The following CCDC126 variants were observed in gnomAD, a reference collection of about 807,000 sequenced individuals.
CCDC126 encodes coiled-coil domain-containing protein 126.
CCDC126 carries 5 observed loss-of-function variants against 11.7 expected under a neutral mutation model. That is an observed-to-expected ratio of 0.43 (90% CI 0.22 to 0.90). CCDC126 has a LOEUF of 0.90. Ranked by LOEUF, CCDC126 falls within the 40% of genes least tolerant of loss-of-function variation. CCDC126 has a pLI of 0.27. For missense variants in CCDC126, 150 were observed against 163.1 expected, an observed-to-expected ratio of 0.92 and a Z score of 0.44; for synonymous variants, 60 against 61.9, an observed-to-expected ratio of 0.97 and a Z score of 0.14.
chr7:23,622,278 A>G (rs1373496171), intron 3 of CCDC126, among the ~76,000 whole-genome samples: 1 of 152,200 alleles, frequency 6.6e-6, no homozygotes, highest in Non-Finnish European at 1.5e-5. Flanking sequence ...TGGTGTATTC[A>G]GAGATTCAGC....
intron 3 of CCDC126, among the ~76,000 whole-genome samples, chr7:23,615,643 A>C (rs1174168526): frequency 6.6e-6 from 1 of 152,220 alleles, no homozygotes; most frequent in African/African-American, 2.4e-5. Flanking sequence ...TCTTCCTTAC[A>C]CTTGAACACT....
At chr7:23,607,943 C>G (rs568767009) in intron 2 of CCDC126, among the ~76,000 whole-genome samples, 2 of 152,214 alleles carry the variant, frequency 1.3e-5, no homozygotes, top group South Asian at 4.2e-4. Context: ...TAGCCTCCGT[C>G]CAGAAGCCAG....
chr7:23,599,263 C>G (rs1782488614), intron 2 of CCDC126, among the ~76,000 whole-genome samples: 1 of 152,170 alleles, frequency 6.6e-6, no homozygotes, highest in Admixed American at 6.5e-5. Context: ...TGTCAATCCC[C>G]TCATCCAACT....
intron 2 of CCDC126, among the ~76,000 whole-genome samples, chr7:23,608,144 G>A (rs755783359): frequency 1.3e-5 from 2 of 152,216 alleles, no homozygotes; most frequent in African/African-American, 2.4e-5. Context: ...ATGATTCCAG[G>A]GTGGAGTTTT....
At chr7:23,636,137 A>T (rs968238704) in intron 3 of CCDC126, among the ~76,000 whole-genome samples, 3 of 151,952 alleles carry the variant, frequency 2.0e-5, no homozygotes, top group African/African-American at 7.3e-5. Flanking sequence ...AGGTGCCGGG[A>T]TTGCAGACGG....
intron 3 of CCDC126, chr7:23,622,517 C>T (rs1055962652): frequency 2.1e-6 from 1 of 484,952 alleles, no homozygotes; most frequent in Non-Finnish European, 4.1e-6. Flanking sequence ...GGATTTAGTG[C>T]AGTCAACGAT....
At chr7:23,599,985 A>G (rs182446881) in intron 2 of CCDC126, among the ~76,000 whole-genome samples, 3 of 152,158 alleles carry the variant, frequency 2.0e-5, no homozygotes, top group Admixed American at 6.5e-5. Flanking sequence ...GGGTTTCACC[A>G]TGTTGACCAG....
chr7:23,636,862 C>T lies in CCDC126; in HGVS notation c.239-6069C>T, dbSNP rs1214528177. 4.6e-5 allele frequency among the ~76,000 whole-genome samples: 5 copies of T among 109,014 alleles called. No individual in the cohort carries two copies. In the East Asian group the frequency reaches 1.4e-3, roughly 31 times the overall value. 71.5% of individuals were successfully genotyped at this position (109,014 alleles called of 152,430 possible). On this transcript the variant is annotated intron_variant, in intron 3 of 3. Transcript: ENST00000307471. ...CCGCCCCTACTGGAAAGTGAGGAGCCCCTCTGCCCGGCCAGTCGCCCCGTC... is the reference window on the plus strand; with the variant it reads ...CCGCCCCTACTGGAAAGTGAGGAGCTCCTCTGCCCGGCCAGTCGCCCCGTC...
chr7:23,635,813 C>G (rs1412685609), intron 3 of CCDC126, among the ~76,000 whole-genome samples: 2 of 152,126 alleles, frequency 1.3e-5, no homozygotes, highest in African/African-American at 4.8e-5. Flanking sequence ...AGTTTAATGT[C>G]AAACCTTCTA....
intron 3 of CCDC126, among the ~76,000 whole-genome samples, chr7:23,634,370 A>G (rs1340398461): frequency 2.0e-5 from 3 of 152,152 alleles, no homozygotes; most frequent in Non-Finnish European, 4.4e-5. Flanking sequence ...GGAGGAAATC[A>G]CTTGAATCCA....
intron 3 of CCDC126, among the ~76,000 whole-genome samples, chr7:23,639,876 C>T (rs1245882378): frequency 2.0e-5 from 3 of 152,132 alleles, no homozygotes; most frequent in African/African-American, 2.4e-5. Context: ...CAACATTTGC[C>T]ATTAAAATAA....
At chr7:23,642,787 T>G in intron 3 of CCDC126, 144 bp from the exon 4 acceptor site, 1 of 616,988 alleles carries the variant, frequency 1.6e-6, no homozygotes, top group East Asian at 3.0e-5. Flanking sequence ...ATTAGGCTTT[T>G]CCTATTTGTA....
chr7:23,624,916 C>G (rs868554332), intron 3 of CCDC126, among the ~76,000 whole-genome samples: 15 of 152,262 alleles, frequency 9.9e-5, no homozygotes, highest in South Asian at 6.2e-4. Flanking sequence ...GATCATAGCT[C>G]AGTATAACCT....
chr7:23,636,133 C>G (rs1021930349), intron 3 of CCDC126, among the ~76,000 whole-genome samples: 2 of 152,196 alleles, frequency 1.3e-5, no homozygotes, highest in Non-Finnish European at 2.9e-5. Context: ...CCCTAGGTGC[C>G]GGGATTGCAG....
At chr7:23,603,078 C>A (rs1782568766) in intron 2 of CCDC126, among the ~76,000 whole-genome samples, 1 of 152,158 alleles carries the variant, frequency 6.6e-6, no homozygotes, top group African/African-American at 2.4e-5. Context: ...CACTGCCCCC[C>A]ACCCTCCACC....
In CCDC126 at chr7:23,644,448, C is replaced by T. The variant is rs984217963; in HGVS notation, c.*1333C>T. The T allele has an allele frequency of 1.2e-4, 18 of 152,262 alleles. No homozygotes were observed. Among genetic ancestry groups the T allele is most frequent in the Admixed American group, 8.5e-4 (13 of 15,242 alleles). The allele number at this position is 152,262 out of a possible 1,614,324, so 9.4% of individuals were successfully genotyped here. A position where few individuals can be genotyped will look rare whatever the true frequency, so the allele number is the denominator to read the frequency against. ...TATAGAATTTAGATATTGTATTGTT[C>T]GTCATTATAATATGCTACCACATGT... On this transcript the variant is annotated 3_prime_UTR_variant, in exon 4 of 4. Coordinates refer to ENST00000307471, the MANE Select transcript of CCDC126 (RefSeq NM_138771.4).
chr7:23,609,333 G>A (rs1333422424), intron 2 of CCDC126, among the ~76,000 whole-genome samples: 4 of 151,898 alleles, frequency 2.6e-5, no homozygotes, highest in African/African-American at 4.8e-5. Context: ...ACAAGCATGC[G>A]CCACCACGTC....
intron 3 of CCDC126, among the ~76,000 whole-genome samples, chr7:23,631,991 A>T (rs1473904971): frequency 6.6e-6 from 1 of 152,220 alleles, no homozygotes; most frequent in Non-Finnish European, 1.5e-5. Context: ...TATAAAAAAT[A>T]AAAACTGCAG....
chr7:23,620,232 C>T lies in CCDC126; in HGVS notation c.238+8679C>T, dbSNP rs1428764892. ...AAGTGTTCCTATTTCTCCACATCCT[C>T]TCCAGCACCTGTTGTTTCCTGACTT... is the stretch of plus-strand genomic sequence containing the variant. On this transcript the variant is annotated intron_variant, in intron 3 of 3. Coordinates refer to ENST00000307471, the MANE Select transcript of CCDC126 (RefSeq NM_138771.4). 3.6e-3 allele frequency among the ~76,000 whole-genome samples: 541 copies of T among 151,738 alleles called. 1 individual carries two copies. Among genetic ancestry groups the T allele is most frequent in the Non-Finnish European group, 6.2e-3 (419 of 67,772 alleles).
Sources: gnomAD v4.1 joint callset for allele counts (sites outside exome capture counted in the v4.1 genomes callset) on GRCh38, gnomAD v4.1.1 for gene constraint, MANE v1.5 for transcripts, NCBI Gene and HGNC (gene_info 2026-07-23, HGNC 2026-07-21) for gene names.